The following URB1 variants were observed in gnomAD, a reference collection of about 807,000 sequenced individuals.
URB1 encodes nucleolar pre-ribosomal-associated protein 1.
In URB1, 197 loss-of-function variants were observed where a neutral mutation model predicts 242.3. The observed-to-expected ratio is 0.81, with a 90% CI of 0.72 to 0.91. The LOEUF (loss-of-function observed/expected upper bound fraction) is 0.91. URB1 is among the 40% of genes least tolerant of loss of function. The pLI is 0.00. For synonymous variants in URB1, 1,153 were observed against 1,201.8 expected (o/e 0.96, Z 0.84); for missense variants, 2,721 against 2,860.5 (o/e 0.95, Z 1.11).
Position 32,355,545 on chromosome 21 carries a change from C to T in URB1, c.2010G>A (p.Val670=). 1 of 1,551,764 alleles carries T rather than the reference C, an allele frequency of 6.4e-7. No homozygotes were observed. The highest frequency in any genetic ancestry group is 8.7e-7 in the Non-Finnish European group (1 of 1,147,000). Residue 670 remains valine (V), a synonymous_variant, in exon 16 of 39, where the codon GTG becomes GTA. Coordinates refer to ENST00000382751, the MANE Select transcript of URB1 (RefSeq NM_014825.3). The part of the protein sequence containing the change: ...LIMKILRDTG[V]FEHTWKELEL... ...CCAGCTCCTTCCAGGTGTGCTCAAA[C>T]ACCCCCGTGTCCCGCAGAATCTGCC...
In URB1 at chr21:32,317,922, T is replaced by C; in HGVS notation, c.5793-5A>G. 6.4e-7 allele frequency: 1 copy of C among 1,551,468 alleles called. No individual in the cohort carries two copies. Among genetic ancestry groups the C allele is most frequent in the Non-Finnish European group, 8.7e-7 (1 of 1,146,934 alleles). ...TGGACGGGGGCCAAGGTGGGCCTGTTTGGGAGTCAATGTTACAGACTGAGC... is the reference window on the plus strand; with the variant it reads ...TGGACGGGGGCCAAGGTGGGCCTGTCTGGGAGTCAATGTTACAGACTGAGC... On this transcript the variant is annotated splice_region_variant and splice_polypyrimidine_tract_variant and intron_variant, in intron 36 of 38. Transcript: ENST00000382751.
At chr21:32,367,782 G>A (rs561336281) in intron 9 of URB1, among the ~76,000 whole-genome samples, 2 of 152,310 alleles carry the variant, frequency 1.3e-5, no homozygotes, top group East Asian at 1.9e-4. Flanking sequence ...GAGCCCAGAT[G>A]GAGAAGAGAT....
chr21:32,378,869 A>G (rs2033490538), intron 4 of URB1, among the ~76,000 whole-genome samples: 1 of 152,202 alleles, frequency 6.6e-6, no homozygotes, highest in Non-Finnish European at 1.5e-5. Flanking sequence ...ACTTTGGTGT[A>G]GAGCAAGACT....
chr21:32,316,156 T>C (rs1264637786), intron 38 of URB1, among the ~76,000 whole-genome samples: 1 of 97,272 alleles, frequency 1.0e-5, no homozygotes, highest in Non-Finnish European at 2.0e-5. Context: ...ATGTGCCTAA[T>C]GGTCAGAAAC....
chr21:32,315,105 C>T lies in URB1; in HGVS notation c.6635-6G>A, dbSNP rs1156582714. 16 of 1,515,094 alleles carry T rather than the reference C, an allele frequency of 1.1e-5. No individual in the cohort carries two copies. The highest frequency in any genetic ancestry group is 1.4e-5 in the Non-Finnish European group (16 of 1,123,674). 93.9% of individuals were successfully genotyped at this position (1,515,094 alleles called of 1,614,324 possible). A position where few individuals can be genotyped will look rare whatever the true frequency, so the allele number is the denominator to read the frequency against. On this transcript the variant is annotated splice_polypyrimidine_tract_variant and splice_region_variant and intron_variant, in intron 38 of 38. Coordinates refer to ENST00000382751, the MANE Select transcript of URB1 (RefSeq NM_014825.3). ...CACTAGGAATGCTGCGGAGGCTGAA[C>T]AAGAGCAGGGGATAGGCCATTAGGA...
chr21:32,344,479 C>G, intron 24 of URB1, 91 bp downstream of exon 24: 3 of 1,424,780 alleles, frequency 2.1e-6, no homozygotes, highest in Non-Finnish European at 2.8e-6. Flanking sequence ...ATATTCATGC[C>G]ACCTGGCTTG....
chr21:32,333,450 G>A (rs576118384), intron 29 of URB1, 31 bp from the exon 30 acceptor site: 40 of 1,505,802 alleles, frequency 2.7e-5, no homozygotes, highest in Non-Finnish European at 3.3e-5. Context: ...AAAAACGTGT[G>A]ATTCAACCTC....
intron 2 of URB1, among the ~76,000 whole-genome samples, chr21:32,384,932 G>A (rs1432860652): frequency 6.6e-6 from 1 of 152,142 alleles, no homozygotes; most frequent in East Asian, 1.9e-4. Flanking sequence ...AGTGAGCCGA[G>A]ACTGCGCCAC....
In URB1 at chr21:32,311,923, A is replaced by G. The variant is rs200448756; in HGVS notation, c.*2995T>C. 344 of 1,613,706 alleles carry G rather than the reference A, an allele frequency of 2.1e-4. 2 individuals carry two copies. The East Asian group carries it at 4.2e-3, about 20-fold the overall frequency. ...ACTCTCCTCTGGGAACTGACCCTCA[A>G]TGGGGGTCCCCTCGTCAGGAGCAAG... On this transcript the variant is annotated 3_prime_UTR_variant, in exon 39 of 39. Transcript: ENST00000382751.
chr21:32,357,735 A>C, intron 14 of URB1, 79 bp from the exon 15 acceptor site: 1 of 1,121,676 alleles, frequency 8.9e-7, no homozygotes, highest in Non-Finnish European at 1.1e-6. Context: ...TATATTAGAA[A>C]CATACCATGG....
At chr21:32,356,946 A>G (rs1176081880) in intron 15 of URB1, among the ~76,000 whole-genome samples, 2 of 152,232 alleles carry the variant, frequency 1.3e-5, no homozygotes, top group Non-Finnish European at 2.9e-5. Context: ...AGAAGGCTGT[A>G]AGTGTAGCAA....
At position 32,375,335 on chromosome 21, in the gene URB1, C is replaced by A. The variant is rs576572249; in HGVS notation, c.750+63G>T. The A allele has an allele frequency of 6.6e-6, 7 of 1,065,648 alleles. No individual in the cohort carries two copies. In the South Asian group the frequency reaches 8.3e-5, roughly 13 times the overall value. 66.0% of individuals were successfully genotyped at this position (1,065,648 alleles called of 1,614,324 possible). On this transcript the variant is annotated intron_variant, in intron 6 of 38. Transcript: ENST00000382751. ...GTAGCTCTACAGTCCTGTAAAACAC[C>A]GGAGAATATCTCCATTCCCAAGGGA...
At chr21:32,351,424 C>G (rs2033157093) in intron 19 of URB1, among the ~76,000 whole-genome samples, 1 of 152,252 alleles carries the variant, frequency 6.6e-6, no homozygotes, top group African/African-American at 2.4e-5. Context: ...TTCATTTCTT[C>G]TAACATTACT....
At position 32,383,413 on chromosome 21, in the gene URB1, T is replaced by G. The variant is rs201850669; in HGVS notation, c.567+9A>C. On this transcript the variant is annotated intron_variant, in intron 4 of 38. Coordinates refer to ENST00000382751, the MANE Select transcript of URB1 (RefSeq NM_014825.3). ...CCATGGAAGGCACGAGACACTGTGG[T>G]CCCCTCACCTTTGAATCCCTCTTGG... The G allele has an allele frequency of 6.5e-7, 1 of 1,549,360 alleles. No homozygotes were observed.
chr21:32,363,025 C>T (rs764658667), intron 11 of URB1, 131 bp downstream of exon 11: 239 of 1,204,462 alleles, frequency 2.0e-4, no homozygotes, highest in South Asian at 1.9e-3. Context: ...CACGCTACCA[C>T]ACTGCCCACC....
Position 32,331,719 on chromosome 21 carries a change from C to T in URB1, c.4960+1598G>A, listed in dbSNP as rs556958744. 9.2e-5 allele frequency among the ~76,000 whole-genome samples: 14 copies of T among 152,218 alleles called. No individual in the cohort carries two copies. The South Asian group carries it at 1.5e-3, about 16-fold the overall frequency. On this transcript the variant is annotated intron_variant, in intron 30 of 38. Transcript: ENST00000382751. Reference sequence around the variant, plus strand: ...ACAGAAAACTGTGAGCCAAGAGCGGCGATACTTCAGCCAAACACTTCACTG... The same window carrying T: ...ACAGAAAACTGTGAGCCAAGAGCGGTGATACTTCAGCCAAACACTTCACTG...
chr21:32,361,175 G>GAAAGAAAGAAAGAAAGAAAGAAAC, intron 12 of URB1, 52 bp from the exon 13 acceptor site: 3 of 717,618 alleles, frequency 4.2e-6, no homozygotes, highest in Non-Finnish European at 4.3e-6. Flanking sequence ...AAGAAAGAAA[G>GAAAGAAAGAAAGAAAGAAAGAAAC]AAAGAAAGAA....
In URB1 at chr21:32,355,476, T is replaced by C; in HGVS notation, c.2079A>G (p.Lys693=). ...GTTCCAGAAACTGAATCACAGTCTC[T>C]TTGTCCTCTTCCATGGTGTTCTCTA... ...EHLENTMEED[K]ETVIQFLERI... The change falls in exon 16 of 39, where the codon AAA becomes AAG. Residue 693 remains lysine (K), a synonymous_variant. Transcript: ENST00000382751. 1 of 1,551,922 alleles carries C rather than the reference T, an allele frequency of 6.4e-7. No individual in the cohort carries two copies. The highest frequency in any genetic ancestry group is 8.7e-7 in the Non-Finnish European group (1 of 1,147,036).
At chr21:32,324,986 ACAC>A (rs1036069219) in intron 31 of URB1, among the ~76,000 whole-genome samples, 16 of 152,308 alleles carry the variant, frequency 1.1e-4, no homozygotes, top group African/African-American at 3.8e-4. Flanking sequence ...TTTTGTCTAC[ACAC>A]AACACAAGAA....
Sources: gnomAD v4.1 joint callset for allele counts (sites outside exome capture counted in the v4.1 genomes callset) on GRCh38, gnomAD v4.1.1 for gene constraint, MANE v1.5 for transcripts, NCBI Gene and HGNC (gene_info 2026-07-23, HGNC 2026-07-21) for gene names.